The following SCARA5 variants were observed in gnomAD, a reference collection of about 807,000 sequenced individuals.
SCARA5 encodes scavenger receptor class A member 5, also known as scavenger receptor class A, member 5 (putative).
A neutral mutation model predicts 46.3 loss-of-function variants in SCARA5; 45 were observed. The ratio of observed to expected loss-of-function variants is 0.97; its 90% CI spans 0.76 to 1.24. SCARA5 has a LOEUF of 1.24. SCARA5 is among the 50% of genes most tolerant of loss of function. The pLI is 0.00. For synonymous variants in SCARA5, 333 were observed against 306.5 expected (o/e 1.09, Z -0.90); for missense variants, 680 against 689.0 (o/e 0.99, Z 0.15).
chr8:27,975,681 G>GA (rs1182050125), intron 2 of SCARA5, among the ~76,000 whole-genome samples: 3 of 149,882 alleles, frequency 2.0e-5, no homozygotes, highest in South Asian at 4.2e-4. Context: ...TGAGCGAATA[G>GA]AAAAAAACAT....
At chr8:27,979,404 C>G (rs958796256) in intron 2 of SCARA5, among the ~76,000 whole-genome samples, 3 of 152,140 alleles carry the variant, frequency 2.0e-5, no homozygotes, top group African/African-American at 7.2e-5. Flanking sequence ...ACTCACGTAA[C>G]CCTTGCAAAA....
intron 7 of SCARA5, among the ~76,000 whole-genome samples, chr8:27,889,032 C>T (rs1030951388): frequency 2.0e-5 from 3 of 152,184 alleles, no homozygotes; most frequent in African/African-American, 7.2e-5. Context: ...CCCCATTCCT[C>T]AACCTGTTGT....
intron 7 of SCARA5, among the ~76,000 whole-genome samples, chr8:27,899,684 C>T (rs1316197236): frequency 6.6e-6 from 1 of 152,248 alleles, no homozygotes; most frequent in African/African-American, 2.4e-5. Context: ...TTATCCCCAC[C>T]TTCCTTTCCA....
At chr8:27,965,495 C>T (rs540706468) in intron 3 of SCARA5, among the ~76,000 whole-genome samples, 30 of 151,660 alleles carry the variant, frequency 2.0e-4, no homozygotes, top group Non-Finnish European at 3.4e-4. Flanking sequence ...ACAGTGCCCG[C>T]TGCATTCTGC....
At chr8:27,887,377 T>C (rs770203188) in intron 7 of SCARA5, among the ~76,000 whole-genome samples, 5 of 152,178 alleles carry the variant, frequency 3.3e-5, no homozygotes, top group Admixed American at 3.3e-4. Context: ...TCTGGATCCC[T>C]AACCTGCAGA....
rs192641541 is a variant in SCARA5 at position 27,870,790 on chromosome 8, C to G, written c.*1144G>C. The G allele has an allele frequency of 6.6e-6, 1 of 152,236 alleles. No homozygotes were observed. Among genetic ancestry groups the G allele is most frequent in the African/African-American group, 2.4e-5 (1 of 41,452 alleles). 9.4% of individuals were successfully genotyped at this position (152,236 alleles called of 1,614,324 possible). On this transcript the variant is annotated 3_prime_UTR_variant, in exon 9 of 9. Coordinates refer to ENST00000354914, the MANE Select transcript of SCARA5 (RefSeq NM_173833.6). ...TAGGGAATCTTCATTTCCTTCCCCC[C>G]TAAGGGTTCCATTAGGACTTGTGTT... is the stretch of plus-strand genomic sequence containing the variant.
chr8:27,922,355 T>C (rs1369428376), intron 3 of SCARA5, 110 bp from the exon 4 acceptor site: 10 of 653,114 alleles, frequency 1.5e-5, no homozygotes, highest in Non-Finnish European at 2.4e-5. Flanking sequence ...CAATAAATGA[T>C]AGACGAATAA....
At chr8:27,909,876 C>T in intron 4 of SCARA5, 133 bp from the exon 5 acceptor site, 1 of 574,764 alleles carries the variant, frequency 1.7e-6, no homozygotes, top group South Asian at 2.5e-5. Flanking sequence ...TCACAGGAAA[C>T]CCCCAGCCCA....
At chr8:27,898,889 C>T in intron 7 of SCARA5, among the ~76,000 whole-genome samples, 1 of 13,578 alleles carries the variant, frequency 7.4e-5, no homozygotes, top group East Asian at 0.028. Context: ...CAGAGAGGTG[C>T]AGTGCTGAAC....
At chr8:27,966,341 G>A in intron 3 of SCARA5, 73 bp downstream of exon 3, 1 of 1,459,608 alleles carries the variant, frequency 6.9e-7, no homozygotes, top group South Asian at 1.4e-5. Context: ...CATGACAGTG[G>A]GAATGAAGAG....
chr8:27,909,718 C>G lies in SCARA5; in HGVS notation c.942G>C (p.Gln314His). Residue 314 changes from glutamine to histidine, a missense_variant, in exon 5 of 9, where the codon CAG (glutamine) becomes CAC (histidine). Around this residue, in one of 3 missense-constraint regions of SCARA5, gnomAD observed 219 missense variants for 269.5 expected, o/e 0.81. Transcript: ENST00000354914. Reference sequence around the variant, plus strand: ...GCCTGCCTTCCTTTCCTTCATCCCCCTGATCACCTTTGGGTCCCGGTGGCC... The same window carrying G: ...GCCTGCCTTCCTTTCCTTCATCCCCGTGATCACCTTTGGGTCCCGGTGGCC... ...AKGPPGPKGD[Q>H]GDEGKEGRPG... 6.4e-7 allele frequency: 1 copy of G among 1,551,514 alleles called. No homozygotes were observed. Among genetic ancestry groups the G allele is most frequent in the South Asian group, 1.2e-5 (1 of 83,968 alleles).
chr8:27,972,742 G>T (rs969022015), intron 2 of SCARA5, among the ~76,000 whole-genome samples: 1 of 152,090 alleles, frequency 6.6e-6, no homozygotes, highest in Non-Finnish European at 1.5e-5. Context: ...GTATGTGCCT[G>T]TATCCTAGCT....
Position 27,871,753 on chromosome 8 carries a change from GCA to G in SCARA5, c.*179_*180del. 6.9e-7 allele frequency: 1 copy of G among 1,441,644 alleles called. No homozygotes were observed. Among genetic ancestry groups the G allele is most frequent in the Non-Finnish European group, 9.1e-7 (1 of 1,100,016 alleles). 89.3% of individuals were successfully genotyped at this position (1,441,644 alleles called of 1,614,324 possible). A position where few individuals can be genotyped will look rare whatever the true frequency, so the allele number is the denominator to read the frequency against. ...GTAGGTCCCAGAGTTATACTTCGGA[GCA>G]CATGTTCAAGAGGGAAATGACGACC... On this transcript the variant is annotated 3_prime_UTR_variant, in exon 9 of 9. Coordinates refer to ENST00000354914, the MANE Select transcript of SCARA5 (RefSeq NM_173833.6).
At chr8:27,928,294 G>A (rs1359457456) in intron 3 of SCARA5, among the ~76,000 whole-genome samples, 1 of 152,204 alleles carries the variant, frequency 6.6e-6, no homozygotes, top group Non-Finnish European at 1.5e-5. Context: ...TACTTTAAAT[G>A]TGTTTTAATT....
intron 3 of SCARA5, among the ~76,000 whole-genome samples, chr8:27,945,025 T>TGTG (rs1808011393): frequency 6.6e-6 from 1 of 151,430 alleles, no homozygotes; most frequent in Non-Finnish European, 1.5e-5. Flanking sequence ...ATTAGCCAGG[T>TGTG]GTGGTGGTAT....
rs767617915 is a variant in SCARA5 at position 27,992,657 on chromosome 8, T to TCGC, written c.-419_-417dup. 15 of 152,286 alleles carry TCGC rather than the reference T, an allele frequency of 9.8e-5. No individual in the cohort carries two copies. Among genetic ancestry groups the TCGC allele is most frequent in the Non-Finnish European group, 1.6e-4 (11 of 68,100 alleles). 9.4% of individuals were successfully genotyped at this position (152,286 alleles called of 1,614,324 possible). On this transcript the variant is annotated 5_prime_UTR_variant, in exon 1 of 9. Transcript: ENST00000354914. ...CCTGAGATGCGAACTGCAGCTGCTC[T>TCGC]CGCCGCCAGTCCGTATAAAATAAAG... is the stretch of plus-strand genomic sequence containing the variant.
At chr8:27,899,164 T>C (rs1292912953) in intron 7 of SCARA5, among the ~76,000 whole-genome samples, 1 of 152,246 alleles carries the variant, frequency 6.6e-6, no homozygotes, top group African/African-American at 2.4e-5. Flanking sequence ...ATTTGAGATT[T>C]CATCTGAAGT....
In SCARA5 at chr8:27,935,580, C is replaced by T. The variant is rs1197433549; in HGVS notation, c.242-13335G>A. On this transcript the variant is annotated intron_variant, in intron 3 of 8. Transcript: ENST00000354914. ...GGTGACAGCACCAAAGCAGAAAAGT[C>T]AATCCTGGGGCCAGAGGCACAAAGG... 3.3e-5 allele frequency among the ~76,000 whole-genome samples: 5 copies of T among 152,294 alleles called. No individual in the cohort carries two copies. In the East Asian group the frequency reaches 7.7e-4, roughly 24 times the overall value.
chr8:27,903,703 T>G (rs1397103694), intron 7 of SCARA5: 2 of 152,432 alleles, frequency 1.3e-5, no homozygotes, highest in African/African-American at 4.8e-5. Context: ...TTGCGTTGAA[T>G]TTTGGTGGGG....
Sources: allele counts gnomAD v4.1 joint callset (sites outside exome capture counted in the v4.1 genomes callset), GRCh38; gene constraint gnomAD v4.1.1; regional missense constraint gnomAD v4.1.1; transcripts MANE v1.5; gene names NCBI Gene and HGNC (gene_info 2026-07-23, HGNC 2026-07-21).